Variants in ZFHX3 observed in about 807,000 individuals in gnomAD.
The protein encoded by ZFHX3 is zinc finger homeobox protein 3.
In ZFHX3, 42 loss-of-function variants were observed where a neutral mutation model predicts 279.1. That is an observed-to-expected ratio of 0.15 (90% CI 0.12 to 0.19). The LOEUF is 0.19. Ranked by LOEUF, ZFHX3 falls within the 10% of genes least tolerant of loss-of-function variation. The pLI, the probability that ZFHX3 is intolerant of heterozygous loss-of-function variation, is 1.00. For synonymous variants in ZFHX3, 2,293 were observed against 1,957.8 expected (o/e 1.17, Z -4.52); for missense variants, 4,981 against 4,754.0 (o/e 1.05, Z -1.40).
chr16:73,604,769 AT>A (rs2052160542), intron 2 of ZFHX3, among the ~76,000 whole-genome samples: 1 of 150,980 alleles, frequency 6.6e-6, no homozygotes, highest in African/African-American at 2.4e-5. Context: ...ATCTCCCATG[AT>A]CAGGAGTTGC....
chr16:73,166,925 G>A (rs1044892868), intron 5 of ZFHX3, among the ~76,000 whole-genome samples: 4 of 152,124 alleles, frequency 2.6e-5, no homozygotes, highest in African/African-American at 9.7e-5. Context: ...ATTCCTTAAT[G>A]TCATTGACAA....
chr16:73,728,300 G>T (rs1004094081), intron 1 of ZFHX3, among the ~76,000 whole-genome samples: 1 of 152,134 alleles, frequency 6.6e-6, no homozygotes, highest in African/African-American at 2.4e-5. Flanking sequence ...CAGAATCAAA[G>T]CAGCGCTGCT....
intron 2 of ZFHX3, among the ~76,000 whole-genome samples, chr16:73,675,880 C>G (rs1285577524): frequency 6.6e-6 from 1 of 151,850 alleles, no homozygotes; most frequent in East Asian, 1.9e-4. Context: ...TCAGCCTTGC[C>G]TCAGATATGA....
intron 3 of ZFHX3, among the ~76,000 whole-genome samples, chr16:73,429,817 C>T (rs1289367011): frequency 1.3e-5 from 2 of 152,144 alleles, no homozygotes; most frequent in African/African-American, 4.8e-5. Flanking sequence ...GAAAACCATC[C>T]TCGCTCCCCC....
intron 1 of ZFHX3, among the ~76,000 whole-genome samples, chr16:72,975,314 C>T (rs1210459733): frequency 2.0e-5 from 3 of 152,112 alleles, no homozygotes; most frequent in East Asian, 1.9e-4. Context: ...TGGTGGCAGG[C>T]GCCTGTGATC....
chr16:73,147,474 C>T (rs1966869076), intron 5 of ZFHX3, among the ~76,000 whole-genome samples: 1 of 151,554 alleles, frequency 6.6e-6, no homozygotes, highest in African/African-American at 2.4e-5. Flanking sequence ...GGGCGGATCA[C>T]GAGGTCAGGA....
intron 1 of ZFHX3, among the ~76,000 whole-genome samples, chr16:73,878,104 A>G (rs1281504667): frequency 6.6e-6 from 1 of 152,074 alleles, no homozygotes; most frequent in Non-Finnish European, 1.5e-5. Flanking sequence ...AATACTAAGC[A>G]AAATAATAGT....
At chr16:73,086,240 G>A (rs1966010548) in intron 8 of ZFHX3, among the ~76,000 whole-genome samples, 1 of 152,188 alleles carries the variant, frequency 6.6e-6, no homozygotes, top group Non-Finnish European at 1.5e-5. Flanking sequence ...GCAGAAAAAG[G>A]GGAACCCACG....
intron 1 of ZFHX3, among the ~76,000 whole-genome samples, chr16:73,818,317 T>G (rs1960636569): frequency 6.6e-6 from 1 of 152,198 alleles, no homozygotes; most frequent in Non-Finnish European, 1.5e-5. Context: ...GGCAATAGGA[T>G]TTCAGCTTGT....
chr16:73,809,651 A>G (rs940871225), intron 1 of ZFHX3: 4 of 152,156 alleles, frequency 2.6e-5, no homozygotes, highest in African/African-American at 7.2e-5. Flanking sequence ...ATACAGTTTC[A>G]TCTCTCTCAT....
intron 5 of ZFHX3, among the ~76,000 whole-genome samples, chr16:73,153,993 G>A (rs775615034): frequency 2.6e-5 from 4 of 152,022 alleles, no homozygotes; most frequent in African/African-American, 9.7e-5. Context: ...TGTGAGCCAC[G>A]GCGCCTGGCC....
intron 5 of ZFHX3, among the ~76,000 whole-genome samples, chr16:73,246,075 C>T (rs555050050): frequency 1.3e-5 from 2 of 152,242 alleles, no homozygotes; most frequent in Non-Finnish European, 2.9e-5. Flanking sequence ...TGTGAGCAGT[C>T]CCAGGGTCCC....
At chr16:73,692,429 C>T (rs1158720979) in intron 1 of ZFHX3, among the ~76,000 whole-genome samples, 2 of 152,128 alleles carry the variant, frequency 1.3e-5, no homozygotes, top group Non-Finnish European at 2.9e-5. Flanking sequence ...GCCAATGACA[C>T]TGGGCTTCTA....
chr16:73,427,955 A>G (rs1165063299), intron 3 of ZFHX3, among the ~76,000 whole-genome samples: 1 of 151,978 alleles, frequency 6.6e-6, no homozygotes, highest in Non-Finnish European at 1.5e-5. Flanking sequence ...AAAGAAAAAA[A>G]ACCGAAACAG....
chr16:73,670,274 C>T (rs1186027728), intron 2 of ZFHX3, among the ~76,000 whole-genome samples: 4 of 152,114 alleles, frequency 2.6e-5, no homozygotes, highest in East Asian at 1.9e-4. Context: ...TATGATACCA[C>T]GCCAATCTAA....
intron 3 of ZFHX3, among the ~76,000 whole-genome samples, chr16:73,373,226 A>G (rs987572784): frequency 1.3e-5 from 2 of 151,900 alleles, no homozygotes; most frequent in Non-Finnish European, 2.9e-5. Context: ...TCCACTTCTC[A>G]CCAATTGGGT....
intron 1 of ZFHX3, among the ~76,000 whole-genome samples, chr16:73,843,363 C>T (rs1021981860): frequency 3.9e-5 from 6 of 152,116 alleles, no homozygotes; most frequent in African/African-American, 1.2e-4. Flanking sequence ...ACAAAAGGCC[C>T]GGTTTTGAAC....
intron 4 of ZFHX3, among the ~76,000 whole-genome samples, chr16:72,836,421 T>C (rs1413074345): frequency 2.0e-5 from 3 of 152,228 alleles, no homozygotes; most frequent in Admixed American, 6.5e-5. Flanking sequence ...ACAACCTGGC[T>C]AGATGCCCGA....
At chr16:73,668,483 G>A (rs985800057) in intron 2 of ZFHX3, among the ~76,000 whole-genome samples, 13 of 151,922 alleles carry the variant, frequency 8.6e-5, no homozygotes, top group African/African-American at 2.4e-4. Flanking sequence ...AGACCCCAGC[G>A]TGTGATATTC....
Sources: allele counts gnomAD v4.1 joint callset (sites outside exome capture counted in the v4.1 genomes callset), GRCh38; gene constraint gnomAD v4.1.1; transcripts MANE v1.5; gene names NCBI Gene and HGNC (gene_info 2026-07-23, HGNC 2026-07-21).